Variants in SPC25 observed in about 807,000 individuals in gnomAD.
SPC25 encodes kinetochore protein Spc25.
A neutral mutation model predicts 29.6 loss-of-function variants in SPC25; 22 were observed. The ratio of observed to expected loss-of-function variants is 0.74; its 90% CI spans 0.53 to 1.06. The LOEUF (loss-of-function observed/expected upper bound fraction) is 1.06. SPC25 is among the 50% of genes least tolerant of loss of function. The pLI is 0.00. For synonymous variants in SPC25, 91 were observed against 90.4 expected (o/e 1.01, Z -0.04); for missense variants, 230 against 255.8 (o/e 0.90, Z 0.69).
At chr2:168,878,816 A>C (rs1281263935) in intron 3 of SPC25, among the ~76,000 whole-genome samples, 1 of 152,130 alleles carries the variant, frequency 6.6e-6, no homozygotes, top group African/African-American at 2.4e-5. Context: ...AGTTTTTGCT[A>C]TTCTGTGCTA....
chr2:168,879,446 C>T (rs1399163513), intron 3 of SPC25, among the ~76,000 whole-genome samples: 1 of 152,220 alleles, frequency 6.6e-6, no homozygotes, highest in Non-Finnish European at 1.5e-5. Context: ...TAAGAAGCAA[C>T]TCCTTATCCA....
downstream of SPC25, among the ~76,000 whole-genome samples, chr2:168,866,026 T>C (rs979917694): frequency 1.3e-5 from 2 of 152,280 alleles, no homozygotes. Context: ...AGAATCAACA[T>C]TGTGAAAATG....
At chr2:168,886,711 A>G (rs138670924) in intron 3 of SPC25, among the ~76,000 whole-genome samples, 49,313 of 151,040 alleles carry the variant, frequency 0.33, 8,722 homozygotes, top group East Asian at 0.56. Context: ...AGTAGAGACA[A>G]GGTTTCACCG....
At chr2:168,877,164 C>T (rs1414767370) in intron 4 of SPC25, 74 bp downstream of exon 4, 2 of 1,525,352 alleles carry the variant, frequency 1.3e-6, no homozygotes, top group Non-Finnish European at 8.9e-7. Flanking sequence ...CTGGAACAGG[C>T]AAGATGTACT....
chr2:168,879,902 A>G (rs966759259), intron 3 of SPC25, among the ~76,000 whole-genome samples: 1 of 152,234 alleles, frequency 6.6e-6, no homozygotes, highest in African/African-American at 2.4e-5. Context: ...ACTGTTAATG[A>G]GCAGAAATAT....
rs150062185 is a variant in SPC25, at chr2:168,890,172, A to T, written c.-15+146T>A. Reference sequence around the variant, plus strand: ...GAACGCTTTGGGTTCGCAGCTGCCCACCCCACCAGGCTGTGAGGCCCAAAC... The same window carrying T: ...GAACGCTTTGGGTTCGCAGCTGCCCTCCCCACCAGGCTGTGAGGCCCAAAC... On this transcript the variant is annotated intron_variant, in intron 1 of 6. Coordinates refer to ENST00000282074, the MANE Select transcript of SPC25 (RefSeq NM_020675.4). 1,754 of 268,058 alleles carry T rather than the reference A, an allele frequency of 6.5e-3. 9 individuals are homozygous for T. Among genetic ancestry groups the T allele is most frequent in the Non-Finnish European group, 7.9e-3 (1,381 of 174,188 alleles). The allele number at this position is 268,058 out of a possible 1,614,324, so 16.6% of individuals were successfully genotyped here.
intron 4 of SPC25, among the ~76,000 whole-genome samples, chr2:168,864,285 GT>G (rs60068017): frequency 0.87 from 129,672 of 148,608 alleles, 56,697 homozygotes; most frequent in African/African-American, 0.96. Context: ...CTGTGATCCT[GT>G]TTTTTTTTTT....
intron 3 of SPC25, among the ~76,000 whole-genome samples, chr2:168,887,718 A>C (rs979736941): frequency 3.9e-5 from 6 of 152,220 alleles, no homozygotes; most frequent in African/African-American, 1.4e-4. Flanking sequence ...CTACTGGTTT[A>C]CTCTGGACAA....
intron 3 of SPC25, among the ~76,000 whole-genome samples, chr2:168,888,115 C>CA (rs779315184): frequency 1.3e-5 from 2 of 152,048 alleles, no homozygotes; most frequent in Non-Finnish European, 2.9e-5. Context: ...CCCATCTCTA[C>CA]AAAAAATATG....
At chr2:168,862,690 G>C (rs920187015) in intron 4 of SPC25, among the ~76,000 whole-genome samples, 6 of 152,184 alleles carry the variant, frequency 3.9e-5, no homozygotes, top group Non-Finnish European at 7.3e-5. Context: ...ACATGGAAAG[G>C]TATTACGTAG....
At chr2:168,875,950 C>T in intron 5 of SPC25, 122 bp downstream of exon 5, 1 of 484,116 alleles carries the variant, frequency 2.1e-6, no homozygotes, top group East Asian at 3.6e-5. Context: ...TAATTTTTTC[C>T]TATTTTCTAA....
intron 4 of SPC25, among the ~76,000 whole-genome samples, chr2:168,864,230 G>A (rs1689698471): frequency 6.6e-6 from 1 of 151,672 alleles, no homozygotes; most frequent in Admixed American, 6.6e-5. Context: ...GCCCATCGCG[G>A]CCTCCCAACG....
Position 168,871,288 on chromosome 2 carries a change from G to A in SPC25, c.*143C>T, listed in dbSNP as rs1689977715. On this transcript the variant is annotated 3_prime_UTR_variant, in exon 7 of 7. Transcript: ENST00000282074. ...GTTAATGGGTGCAGCACACCAATAT[G>A]GCACATGTATACATATGTAACAAAC... The A allele has an allele frequency of 1.4e-6, 1 of 691,460 alleles. No homozygotes were observed. Among genetic ancestry groups the A allele is most frequent in the East Asian group, 3.3e-5 (1 of 30,768 alleles). 42.8% of individuals were successfully genotyped at this position (691,460 alleles called of 1,614,324 possible).
At chr2:168,863,371 T>C in intron 4 of SPC25, 2 of 980,516 alleles carry the variant, frequency 2.0e-6, no homozygotes, top group Non-Finnish European at 2.4e-6. Context: ...ATTTCCTTTG[T>C]CTTAGAAAGA....
At chr2:168,873,298 C>A (rs920687635) in intron 6 of SPC25, among the ~76,000 whole-genome samples, 1 of 152,148 alleles carries the variant, frequency 6.6e-6, no homozygotes, top group African/African-American at 2.4e-5. Context: ...TCTAAAAGGA[C>A]AATTCATATT....
intron 4 of SPC25, chr2:168,865,031 T>C: frequency 6.4e-7 from 1 of 1,572,308 alleles, no homozygotes; most frequent in East Asian, 2.2e-5. Flanking sequence ...GTGGTTCAAA[T>C]AAGAATAAAG....
chr2:168,881,554 G>C (rs1202726338), intron 3 of SPC25, among the ~76,000 whole-genome samples: 1 of 152,132 alleles, frequency 6.6e-6, no homozygotes, highest in African/African-American at 2.4e-5. Context: ...AGGCTACTGA[G>C]GTCAAATAAG....
intron 4 of SPC25, 75 bp downstream of exon 4, chr2:168,877,163 G>T: frequency 6.6e-7 from 1 of 1,517,926 alleles, no homozygotes; most frequent in Non-Finnish European, 9.0e-7. Flanking sequence ...ACTGGAACAG[G>T]CAAGATGTAC....
downstream of SPC25, among the ~76,000 whole-genome samples, chr2:168,869,209 AAAT>A (rs1249431356): frequency 6.6e-6 from 1 of 152,118 alleles, no homozygotes; most frequent in Non-Finnish European, 1.5e-5. Flanking sequence ...ATGTATCTCA[AAAT>A]AATAAGAGCT....
Sources: gnomAD v4.1 joint callset for allele counts (sites outside exome capture counted in the v4.1 genomes callset) on GRCh38, gnomAD v4.1.1 for gene constraint, MANE v1.5 for transcripts, NCBI Gene and HGNC (gene_info 2026-07-23, HGNC 2026-07-21) for gene names.